NELL2: variants seen among roughly 807,000 people sequenced by gnomAD.
The protein encoded by NELL2 is neural EGFL like 2.
A neutral mutation model predicts 109.6 loss-of-function variants in NELL2; 41 were observed. That is an observed-to-expected ratio of 0.37 (90% CI 0.29 to 0.49). The LOEUF is 0.49. Ranked by LOEUF, NELL2 falls within the 20% of genes least tolerant of loss-of-function variation. The pLI, the probability that NELL2 is intolerant of heterozygous loss-of-function variation, is 0.98. For missense variants in NELL2, 900 were observed against 1,008.3 expected (o/e 0.89, Z 1.45); for synonymous variants, 355 against 344.7 (o/e 1.03, Z -0.33).
chr12:44,918,545 G>A (rs562777229), upstream of NELL2, among the ~76,000 whole-genome samples: 7 of 151,552 alleles, frequency 4.6e-5, no homozygotes, highest in South Asian at 1.0e-3. Flanking sequence ...GTGTGTGTGT[G>A]TGTGTGTGTG....
chr12:44,716,497 A>T (rs929534244), intron 9 of NELL2, among the ~76,000 whole-genome samples: 5 of 152,176 alleles, frequency 3.3e-5, no homozygotes, highest in Non-Finnish European at 1.5e-5. Flanking sequence ...TTAAAATGGT[A>T]TGTGCATTTA....
intron 19 of NELL2, among the ~76,000 whole-genome samples, chr12:44,517,029 TTTTC>T (rs1229948370): frequency 1.3e-5 from 2 of 151,324 alleles, no homozygotes; most frequent in African/African-American, 2.4e-5. Flanking sequence ...TTTAATTATA[TTTTC>T]TTTATTTTAA....
rs764930429 is a variant in NELL2 at position 44,714,609 on chromosome 12, A to C, written c.1086+41T>G. ...TAAAGAAACTTTTATCTTGTTTATA[A>C]ATAGAAACAATTTTGAAAGACCCAC... On this transcript the variant is annotated intron_variant, in intron 10 of 19. Transcript: ENST00000429094. 3.9e-6 allele frequency: 5 copies of C among 1,280,070 alleles called. No individual in the cohort carries two copies. The South Asian group carries it at 5.6e-5, about 14-fold the overall frequency. The allele number at this position is 1,280,070 out of a possible 1,614,324, so 79.3% of individuals were successfully genotyped here. A position where few individuals can be genotyped will look rare whatever the true frequency, so the allele number is the denominator to read the frequency against.
chr12:44,798,024 A>C (rs1942691783), intron 3 of NELL2, among the ~76,000 whole-genome samples: 1 of 110,926 alleles, frequency 9.0e-6, no homozygotes, highest in Non-Finnish European at 2.1e-5. Flanking sequence ...AAAGCATTCC[A>C]TCCTAGATGG....
intron 12 of NELL2, among the ~76,000 whole-genome samples, chr12:44,684,883 A>G (rs1948660618): frequency 6.6e-6 from 1 of 152,148 alleles, no homozygotes; most frequent in African/African-American, 2.4e-5. Flanking sequence ...GCTGAAAAAA[A>G]TGTATATTCT....
At chr12:44,878,321 A>G (rs1945372342), upstream of NELL2, among the ~76,000 whole-genome samples, 1 of 152,236 alleles carries the variant, frequency 6.6e-6, no homozygotes, top group African/African-American at 2.4e-5. Context: ...TATGGAAATC[A>G]TTAAAATATG....
At chr12:44,618,601 C>T (rs1390589269) in intron 13 of NELL2, among the ~76,000 whole-genome samples, 2 of 152,146 alleles carry the variant, frequency 1.3e-5, no homozygotes, top group African/African-American at 4.8e-5. Flanking sequence ...TTTGTTTTCT[C>T]AACATATGAT....
intron 15 of NELL2, among the ~76,000 whole-genome samples, chr12:44,541,625 A>G (rs564115999): frequency 1.8e-4 from 27 of 152,280 alleles, no homozygotes; most frequent in Non-Finnish European, 3.7e-4. Flanking sequence ...ATACACAAAA[A>G]TCAATGGGAG....
At chr12:44,778,217 C>T (rs186372919) in intron 5 of NELL2, among the ~76,000 whole-genome samples, 1 of 152,154 alleles carries the variant, frequency 6.6e-6, no homozygotes, top group African/African-American at 2.4e-5. Flanking sequence ...TTTAAACGTA[C>T]CTATAAAGAT....
At chr12:44,745,407 C>T (rs1423454100) in intron 9 of NELL2, among the ~76,000 whole-genome samples, 1 of 152,148 alleles carries the variant, frequency 6.6e-6, no homozygotes. Flanking sequence ...GGGATGCCCT[C>T]TCTCACCACT....
chr12:44,751,890 T>C (rs763897240), intron 9 of NELL2, among the ~76,000 whole-genome samples: 30 of 152,016 alleles, frequency 2.0e-4, no homozygotes, highest in African/African-American at 5.6e-4. Flanking sequence ...CTGGGCCACA[T>C]TGGAAGAAGA....
chr12:44,641,665 C>A (rs560113741), intron 13 of NELL2, among the ~76,000 whole-genome samples: 2 of 145,058 alleles, frequency 1.4e-5, no homozygotes, highest in African/African-American at 5.1e-5. Context: ...TATTTAAACT[C>A]GTGAGGACTT....
chr12:44,723,646 T>C (rs576497723), intron 9 of NELL2, among the ~76,000 whole-genome samples: 1 of 152,110 alleles, frequency 6.6e-6, no homozygotes, highest in Non-Finnish European at 1.5e-5. Flanking sequence ...TTGTTTGGGG[T>C]TTTTTTAATG....
intron 19 of NELL2, among the ~76,000 whole-genome samples, chr12:44,517,435 C>T (rs1279509882): frequency 1.4e-5 from 2 of 145,982 alleles, no homozygotes; most frequent in African/African-American, 5.1e-5. Context: ...CCCACTCTTG[C>T]CATGTGAAAT....
At chr12:44,898,643 A>G (rs555792954) in intron 1 of NELL2, among the ~76,000 whole-genome samples, 2 of 152,332 alleles carry the variant, frequency 1.3e-5, no homozygotes, top group Admixed American at 1.3e-4. Context: ...ATCCATGAAG[A>G]TGAGGAAAAC....
Position 44,587,133 on chromosome 12 carries a change from A to G in NELL2, c.1663+20036T>C, listed in dbSNP as rs569674617. Reference sequence around the variant, plus strand: ...TAAAAATACAAAAAATTAGATGGGCATGGTGGCACACGCCTGTAGTCCCAC... The same window carrying G: ...TAAAAATACAAAAAATTAGATGGGCGTGGTGGCACACGCCTGTAGTCCCAC... On this transcript the variant is annotated intron_variant, in intron 15 of 19. Transcript: ENST00000429094. Among the ~76,000 whole-genome samples the G allele has an allele frequency of 2.5e-4, 38 of 151,424 alleles. No homozygotes were observed. The East Asian group carries it at 7.2e-3, about 29-fold the overall frequency.
chr12:44,833,484 A>G (rs1943949757), intron 2 of NELL2, among the ~76,000 whole-genome samples: 3 of 152,138 alleles, frequency 2.0e-5, no homozygotes, highest in African/African-American at 7.2e-5. Context: ...CCTCAGAAAG[A>G]CTGATTTTAA....
intron 14 of NELL2, 45 bp downstream of exon 14, chr12:44,610,803 G>A (rs762801678): frequency 1.2e-6 from 2 of 1,610,038 alleles, no homozygotes; most frequent in East Asian, 4.5e-5. Context: ...AGAGATGGAT[G>A]GCATTATACA....
chr12:44,573,537 T>A (rs1375016024), intron 15 of NELL2, among the ~76,000 whole-genome samples: 1 of 151,874 alleles, frequency 6.6e-6, no homozygotes, highest in Non-Finnish European at 1.5e-5. Context: ...AAATAGAAAA[T>A]CACAGGCCTA....
Sources: gnomAD v4.1 joint callset for allele counts (sites outside exome capture counted in the v4.1 genomes callset) on GRCh38, gnomAD v4.1.1 for gene constraint, MANE v1.5 for transcripts, NCBI Gene and HGNC (gene_info 2026-07-23, HGNC 2026-07-21) for gene names.